The following LRP1B variants were observed in gnomAD, a reference collection of about 807,000 sequenced individuals.
The protein encoded by LRP1B is low-density lipoprotein receptor-related protein 1B.
A neutral mutation model predicts 556.6 loss-of-function variants in LRP1B; 217 were observed. That is an observed-to-expected ratio of 0.39 (90% CI 0.35 to 0.44). The LOEUF is 0.44. Ranked by LOEUF, LRP1B falls within the 20% of genes least tolerant of loss-of-function variation. The pLI, the probability that LRP1B is intolerant of heterozygous loss-of-function variation, is 1.00. For synonymous variants in LRP1B, 2,047 were observed against 1,865.8 expected (o/e 1.10, Z -2.50); for missense variants, 5,053 against 5,620.8 (o/e 0.90, Z 3.23).
At chr2:141,263,016 T>TAA (rs974018224) in intron 3 of LRP1B, among the ~76,000 whole-genome samples, 5 of 152,048 alleles carry the variant, frequency 3.3e-5, no homozygotes, top group Admixed American at 2.6e-4. Flanking sequence ...GCCTTCTAAT[T>TAA]AAAAAATATG....
chr2:140,798,479 T>G (rs546849966), intron 32 of LRP1B, among the ~76,000 whole-genome samples: 1 of 152,228 alleles, frequency 6.6e-6, no homozygotes, highest in South Asian at 2.1e-4. Context: ...TTTTTAAGGG[T>G]TTTTTTGTTA....
At chr2:141,971,854 G>A (rs1190928573) in intron 1 of LRP1B, among the ~76,000 whole-genome samples, 9 of 151,360 alleles carry the variant, frequency 5.9e-5, no homozygotes, top group Non-Finnish European at 3.0e-5. Flanking sequence ...CAATCTGTCA[G>A]TGTTGCTCAT....
intron 1 of LRP1B, among the ~76,000 whole-genome samples, chr2:141,825,320 A>C (rs1280019371): frequency 6.6e-6 from 1 of 152,214 alleles, no homozygotes; most frequent in Non-Finnish European, 1.5e-5. Context: ...AGTAAAAATA[A>C]AGGAGTTTGG....
intron 2 of LRP1B, among the ~76,000 whole-genome samples, chr2:141,495,819 A>T (rs1348729584): frequency 1.3e-5 from 2 of 152,064 alleles, no homozygotes; most frequent in African/African-American, 2.4e-5. Flanking sequence ...TATATCTGTC[A>T]CTTCTAGAAA....
chr2:140,265,052 A>G (rs1468292001), intron 86 of LRP1B, among the ~76,000 whole-genome samples: 1 of 152,036 alleles, frequency 6.6e-6, no homozygotes, highest in African/African-American at 2.4e-5. Flanking sequence ...TTGAGCATGA[A>G]ATCTATTGTG....
chr2:140,332,575 A>T (rs1174277093), intron 79 of LRP1B, among the ~76,000 whole-genome samples: 2 of 152,054 alleles, frequency 1.3e-5, no homozygotes, highest in Non-Finnish European at 2.9e-5. Context: ...AACTGGTTGA[A>T]GCAGCTTTGC....
chr2:140,599,238 A>T (rs1280046460), intron 42 of LRP1B, among the ~76,000 whole-genome samples: 1 of 152,114 alleles, frequency 6.6e-6, no homozygotes, highest in Non-Finnish European at 1.5e-5. Context: ...TCCTAAGTAT[A>T]CTTATTTGCT....
intron 2 of LRP1B, among the ~76,000 whole-genome samples, chr2:141,540,235 A>G (rs893780312): frequency 3.9e-5 from 6 of 152,074 alleles, no homozygotes; most frequent in Non-Finnish European, 7.4e-5. Flanking sequence ...ACCTTAAAGA[A>G]CAAAGAAGCC....
chr2:140,442,619 T>A lies in LRP1B; in HGVS notation c.10299A>T (p.Glu3433Asp). The change falls in exon 66 of 91, where the codon GAA becomes GAT. Residue 3433 changes from glutamate to aspartate, a missense_variant. By Grantham distance (45) the Glu-to-Asp change is conservative. This residue lies in a region of LRP1B where 262 missense variants were observed against 395.1 expected (regional missense o/e 0.66). Transcript: ENST00000389484. Reference sequence around the variant, plus strand: ...GGAAATAGTCTGGAGAACAGCTGTTTTCAGCTTAGAAAGAAAACTGCCATT... The same window carrying A: ...GGAAATAGTCTGGAGAACAGCTGTTATCAGCTTAGAAAGAAAACTGCCATT... The part of the protein sequence containing the change: ...GDEEDERDCP[E>D]NSCSPDYFQC... 6.2e-7 allele frequency: 1 copy of A among 1,612,468 alleles called. No homozygotes were observed. Among genetic ancestry groups the A allele is most frequent in the Non-Finnish European group, 8.5e-7 (1 of 1,179,506 alleles).
At chr2:141,599,262 GA>G (rs34615223) in intron 2 of LRP1B, among the ~76,000 whole-genome samples, 3 of 151,620 alleles carry the variant, frequency 2.0e-5, no homozygotes, top group Non-Finnish European at 4.4e-5. Flanking sequence ...TAGTGCTCAT[GA>G]AAAAAAATTC....
chr2:140,900,390 T>G (rs959084480), intron 23 of LRP1B, among the ~76,000 whole-genome samples: 3 of 152,212 alleles, frequency 2.0e-5, no homozygotes, highest in African/African-American at 7.2e-5. Context: ...GTGAATGAAA[T>G]GACTATTACC....
chr2:141,853,702 A>T (rs1297593292), intron 1 of LRP1B, among the ~76,000 whole-genome samples: 2 of 151,986 alleles, frequency 1.3e-5, no homozygotes, highest in Non-Finnish European at 2.9e-5. Flanking sequence ...TGATAAAAAA[A>T]ATAATGAGGC....
In LRP1B at chr2:141,998,798, C is replaced by T. The variant is rs1702572666; in HGVS notation, c.82+131850G>A. Among the ~76,000 whole-genome samples, 9 of 152,132 alleles carry T rather than the reference C, an allele frequency of 5.9e-5. No individual in the cohort carries two copies. The South Asian group carries it at 1.9e-3, about 31-fold the overall frequency. On this transcript the variant is annotated intron_variant, in intron 1 of 90. Coordinates refer to ENST00000389484, the MANE Select transcript of LRP1B (RefSeq NM_018557.3). ...GATTCAAAGACTGAAGACCTGGAATCAATAGAAAGAAATGTCTGGGTTAAG... is the reference window on the plus strand; with the variant it reads ...GATTCAAAGACTGAAGACCTGGAATTAATAGAAAGAAATGTCTGGGTTAAG...
At chr2:141,356,485 G>A (rs544000836) in intron 3 of LRP1B, among the ~76,000 whole-genome samples, 24 of 152,070 alleles carry the variant, frequency 1.6e-4, no homozygotes, top group Non-Finnish European at 2.9e-4. Context: ...TACAGAGTAT[G>A]AGGAAATGAT....
intron 83 of LRP1B, among the ~76,000 whole-genome samples, chr2:140,308,837 A>G (rs1684175490): frequency 6.6e-6 from 1 of 151,768 alleles, no homozygotes; most frequent in African/African-American, 2.4e-5. Context: ...TACTTACTCA[A>G]AACATTTCTA....
At chr2:140,679,860 A>G (rs1487513825) in intron 41 of LRP1B, among the ~76,000 whole-genome samples, 1 of 152,150 alleles carries the variant, frequency 6.6e-6, no homozygotes, top group East Asian at 1.9e-4. Flanking sequence ...GATGGCTCTG[A>G]ATACGACCCA....
chr2:141,614,264 CT>C (rs1265317262), intron 2 of LRP1B, among the ~76,000 whole-genome samples: 1 of 152,024 alleles, frequency 6.6e-6, no homozygotes, highest in African/African-American at 2.4e-5. Flanking sequence ...ACAGAACACA[CT>C]TTGAAAAATT....
intron 41 of LRP1B, among the ~76,000 whole-genome samples, chr2:140,608,542 G>C (rs1682953234): frequency 6.6e-6 from 1 of 152,172 alleles, no homozygotes. Flanking sequence ...ATTGCACTTA[G>C]TAAAACACAT....
intron 1 of LRP1B, among the ~76,000 whole-genome samples, chr2:142,091,043 G>A (rs1574674432): frequency 6.6e-6 from 1 of 152,076 alleles, no homozygotes. Flanking sequence ...TTGGTTATGA[G>A]AGAGACTAAT....
Sources: allele counts gnomAD v4.1 joint callset (sites outside exome capture counted in the v4.1 genomes callset), GRCh38; gene constraint gnomAD v4.1.1; regional missense constraint gnomAD v4.1.1; transcripts MANE v1.5; gene names NCBI Gene and HGNC (gene_info 2026-07-23, HGNC 2026-07-21).